TNR: variants seen among roughly 807,000 people sequenced by gnomAD.
TNR encodes tenascin R.
A neutral mutation model predicts 150.4 loss-of-function variants in TNR; 45 were observed. That is an observed-to-expected ratio of 0.30 (90% CI 0.24 to 0.38). The LOEUF (loss-of-function observed/expected upper bound fraction) is 0.38, where lower values mean the gene tolerates loss of function less well. Ranked by LOEUF, TNR falls within the 10% of genes least tolerant of loss-of-function variation. The pLI is 1.00. For missense variants in TNR, 1,544 were observed against 1,759.1 expected (o/e 0.88, Z 2.19); for synonymous variants, 687 against 678.4 (o/e 1.01, Z -0.20).
chr1:175,725,743 G>A (rs1221451737), intron 1 of TNR, among the ~76,000 whole-genome samples: 1 of 152,218 alleles, frequency 6.6e-6, no homozygotes, highest in Non-Finnish European at 1.5e-5. Context: ...CCTGATGTAA[G>A]AGATATTAAG....
At position 175,518,046 on chromosome 1, in the gene TNR, GTAAATAAA is replaced by G. The variant is rs371075885; in HGVS notation, c.-64+10215_-64+10222del. Among the ~76,000 whole-genome samples, 905 of 152,146 alleles carry G rather than the reference GTAAATAAA, an allele frequency of 5.9e-3. 9 individuals are homozygous for G. Among genetic ancestry groups the G allele is most frequent in the African/African-American group, 0.021 (866 of 41,486 alleles). On this transcript the variant is annotated intron_variant, in intron 2 of 22. Coordinates refer to ENST00000367674, the MANE Select transcript of TNR (RefSeq NM_003285.3). ...CTTAGGAGGAGTGTTGATGGTTTAAGTAAATAAATAAATAAATAAATATCCCCTTCATT... is the reference window on the plus strand; with the variant it reads ...CTTAGGAGGAGTGTTGATGGTTTAAGTAAATAAATAAATATCCCCTTCATT...
At chr1:175,350,416 C>T (rs146030707) in intron 18 of TNR, among the ~76,000 whole-genome samples, 13 of 152,330 alleles carry the variant, frequency 8.5e-5, no homozygotes, top group African/African-American at 3.1e-4. Context: ...ACAATCATTT[C>T]ACCAAGTCCT....
At chr1:175,583,978 A>G (rs1662469456) in intron 1 of TNR, among the ~76,000 whole-genome samples, 1 of 152,180 alleles carries the variant, frequency 6.6e-6, no homozygotes, top group South Asian at 2.1e-4. Context: ...TCTAGTCCAG[A>G]AGACGTGGAG....
chr1:175,687,201 G>A, intron 1 of TNR, among the ~76,000 whole-genome samples: 1 of 152,070 alleles, frequency 6.6e-6, no homozygotes, highest in East Asian at 1.9e-4. Context: ...TGCCTGTCCT[G>A]CCTCCCTCCA....
intron 1 of TNR, 119 bp from the exon 2 acceptor site, chr1:175,528,488 G>A (rs780832345): frequency 4.6e-5 from 7 of 152,186 alleles, no homozygotes; most frequent in Non-Finnish European, 1.0e-4. Context: ...GGTGCACCAT[G>A]TGAATTTCCA....
chr1:175,570,652 C>T (rs988285039), intron 1 of TNR, among the ~76,000 whole-genome samples: 58 of 151,362 alleles, frequency 3.8e-4, no homozygotes, highest in Admixed American at 2.8e-3. Context: ...TCCATTTTTC[C>T]GCTTTCTCCT....
intron 1 of TNR, among the ~76,000 whole-genome samples, chr1:175,621,850 G>T (rs901350326): frequency 1.8e-4 from 27 of 152,176 alleles, no homozygotes; most frequent in Admixed American, 1.8e-3. Context: ...GCACCATAGA[G>T]GCAAGGATTT....
chr1:175,729,286 G>A (rs1022757967), intron 1 of TNR, among the ~76,000 whole-genome samples: 23 of 152,260 alleles, frequency 1.5e-4, no homozygotes, highest in African/African-American at 5.5e-4. Context: ...TGGAGCCCCT[G>A]GCATGGGAGC....
chr1:175,503,005 T>C (rs1658800578), intron 2 of TNR, among the ~76,000 whole-genome samples: 2 of 148,268 alleles, frequency 1.3e-5, no homozygotes, highest in South Asian at 2.1e-4. Flanking sequence ...TCTTGAAATG[T>C]GGTCAGCATA....
At chr1:175,378,505 C>A (rs935238841) in intron 9 of TNR, among the ~76,000 whole-genome samples, 1 of 152,086 alleles carries the variant, frequency 6.6e-6, no homozygotes, top group Non-Finnish European at 1.5e-5. Context: ...ATGAAGCTGC[C>A]GGACAGAATG....
chr1:175,561,849 C>T (rs1661442067), intron 1 of TNR, among the ~76,000 whole-genome samples: 1 of 152,182 alleles, frequency 6.6e-6, no homozygotes, highest in South Asian at 2.1e-4. Context: ...TTCTGGAGAC[C>T]TGTGAGGCCC....
intron 20 of TNR, among the ~76,000 whole-genome samples, chr1:175,335,036 T>C (rs1650163567): frequency 6.6e-6 from 1 of 152,212 alleles, no homozygotes; most frequent in Admixed American, 6.5e-5. Flanking sequence ...ACCACAAATA[T>C]GGAACTTGAT....
intron 1 of TNR, among the ~76,000 whole-genome samples, chr1:175,685,077 T>C (rs1201273302): frequency 6.6e-6 from 1 of 152,182 alleles, no homozygotes; most frequent in Admixed American, 6.5e-5. Flanking sequence ...TCTCCTCCAC[T>C]CTTCAATACT....
rs76863365 is a variant in TNR, at chr1:175,348,662, A to G, written c.3382+5729T>C. 6.2e-3 allele frequency among the ~76,000 whole-genome samples: 937 copies of G among 152,318 alleles called. 8 individuals carry two copies. The highest frequency in any genetic ancestry group is 0.021 in the African/African-American group (881 of 41,572). On this transcript the variant is annotated intron_variant, in intron 18 of 22. Coordinates refer to ENST00000367674, the MANE Select transcript of TNR (RefSeq NM_003285.3). ...AACTTAATATACAATGAGGCACCAC[A>G]AACCAATACAGAACAGATGGATTAT...
chr1:175,737,616 T>A (rs1312750197), intron 1 of TNR, among the ~76,000 whole-genome samples: 1 of 152,206 alleles, frequency 6.6e-6, no homozygotes, highest in Non-Finnish European at 1.5e-5. Context: ...TGTTCCAGAC[T>A]TCCCCCTTTG....
intron 1 of TNR, among the ~76,000 whole-genome samples, chr1:175,582,818 A>G (rs75540274): frequency 0.026 from 3,961 of 152,252 alleles, 160 homozygotes; most frequent in African/African-American, 0.089. Flanking sequence ...ATTAAGCCAT[A>G]AGGGAGGGCT....
intron 8 of TNR, among the ~76,000 whole-genome samples, chr1:175,384,428 C>T (rs1652833261): frequency 6.6e-6 from 1 of 152,246 alleles, no homozygotes; most frequent in African/African-American, 2.4e-5. Flanking sequence ...TCCCACTGGG[C>T]ACCCCCTGGG....
chr1:175,689,313 G>A lies in TNR; in HGVS notation c.-165+53913C>T, dbSNP rs542193460. 3.9e-5 allele frequency among the ~76,000 whole-genome samples: 6 copies of A among 152,264 alleles called. No homozygotes were observed. In the South Asian group the frequency reaches 1.2e-3, roughly 32 times the overall value. On this transcript the variant is annotated intron_variant, in intron 1 of 22. Transcript: ENST00000367674. ...TGCTTGCTAAAACATGTCACAAAGA[G>A]CCCGTCTTTCCACAGGGATACCAGG... is the stretch of plus-strand genomic sequence containing the variant.
At chr1:175,391,822 T>G (rs1302201348) in intron 6 of TNR, among the ~76,000 whole-genome samples, 2 of 152,254 alleles carry the variant, frequency 1.3e-5, no homozygotes, top group African/African-American at 4.8e-5. Context: ...GTAATGAACA[T>G]GCCCCCGGCT....
Sources: allele counts gnomAD v4.1 joint callset (sites outside exome capture counted in the v4.1 genomes callset), GRCh38; gene constraint gnomAD v4.1.1; transcripts MANE v1.5; gene names NCBI Gene and HGNC (gene_info 2026-07-23, HGNC 2026-07-21).